The following RBFOX1 variants were observed in gnomAD, a reference collection of about 807,000 sequenced individuals.
The protein encoded by RBFOX1 is RNA binding fox-1 homolog 1.
RBFOX1 carries 8 observed loss-of-function variants against 57.7 expected under a neutral mutation model. That is an observed-to-expected ratio of 0.14 (90% CI 0.08 to 0.25). The LOEUF (loss-of-function observed/expected upper bound fraction) is 0.25, where lower values mean the gene tolerates loss of function less well. Ranked by LOEUF, RBFOX1 falls within the 10% of genes least tolerant of loss-of-function variation. The pLI is 1.00. For synonymous variants in RBFOX1, 326 were observed against 222.4 expected (o/e 1.47, Z -4.15); for missense variants, 611 against 548.5 (o/e 1.11, Z -1.14).
At chr16:6,217,063 C>G (rs981455831) in intron 1 of RBFOX1, among the ~76,000 whole-genome samples, 5 of 151,936 alleles carry the variant, frequency 3.3e-5, no homozygotes, top group Non-Finnish European at 7.4e-5. Flanking sequence ...ATATCCGCAT[C>G]TTAACACAAA....
At chr16:6,754,787 C>T (rs572202188) in intron 3 of RBFOX1, among the ~76,000 whole-genome samples, 9 of 152,028 alleles carry the variant, frequency 5.9e-5, no homozygotes, top group Admixed American at 2.0e-4. Flanking sequence ...ATGTGCCATG[C>T]TGGTGTGCTC....
intron 4 of RBFOX1, among the ~76,000 whole-genome samples, chr16:7,410,127 G>A (rs57190278): frequency 0.03 from 4,600 of 152,250 alleles, 247 homozygotes; most frequent in African/African-American, 0.1. Context: ...TTTGACAATT[G>A]TTAACCTACA....
chr16:5,468,562 A>C (rs150709807), intron 2 of RBFOX1, among the ~76,000 whole-genome samples: 14 of 152,340 alleles, frequency 9.2e-5, no homozygotes, highest in African/African-American at 3.4e-4. Context: ...TATATACCCC[A>C]AATTGCTGAG....
intron 4 of RBFOX1, among the ~76,000 whole-genome samples, chr16:7,184,286 G>A (rs746817720): frequency 3.3e-5 from 5 of 152,166 alleles, no homozygotes; most frequent in Admixed American, 1.3e-4. Context: ...ATAGGAAGCT[G>A]TGGAATGACC....
At chr16:7,196,514 C>G (rs1438791705) in intron 4 of RBFOX1, among the ~76,000 whole-genome samples, 1 of 152,214 alleles carries the variant, frequency 6.6e-6, no homozygotes, top group Non-Finnish European at 1.5e-5. Flanking sequence ...CTACAATGTG[C>G]AGGTTAGTGC....
chr16:7,547,539 G>A (rs754342355), intron 5 of RBFOX1, among the ~76,000 whole-genome samples: 45 of 152,224 alleles, frequency 3.0e-4, no homozygotes, highest in Non-Finnish European at 5.1e-4. Context: ...CTTTATTGAA[G>A]AAAAAACAAA....
At chr16:6,226,946 T>TAAA (rs573474385) in intron 1 of RBFOX1, among the ~76,000 whole-genome samples, 1,941 of 100,972 alleles carry the variant, frequency 0.019, 56 homozygotes, top group African/African-American at 0.066. Flanking sequence ...CCATCTCTAC[T>TAAA]AAAAAAAAAA....
intron 2 of RBFOX1, among the ~76,000 whole-genome samples, chr16:6,634,530 C>A (rs189330740): frequency 6.8e-6 from 1 of 147,508 alleles, no homozygotes; most frequent in African/African-American, 2.5e-5. Flanking sequence ...ATGATATATA[C>A]TTTTATATTT....
intron 2 of RBFOX1, among the ~76,000 whole-genome samples, chr16:6,384,562 A>G (rs191678833): frequency 2.6e-5 from 4 of 152,312 alleles, no homozygotes; most frequent in Admixed American, 6.5e-5. Flanking sequence ...AATTACTTCT[A>G]TACCTTATTA....
chr16:6,738,420 G>A (rs1437130554), intron 3 of RBFOX1, among the ~76,000 whole-genome samples: 1 of 152,114 alleles, frequency 6.6e-6, no homozygotes, highest in Non-Finnish European at 1.5e-5. Flanking sequence ...GAGAGTAGGA[G>A]CCCAGGAGAG....
At position 5,597,832 on chromosome 16, in the gene RBFOX1, T is replaced by A. The variant is rs17415890; in HGVS notation, c.259-1070T>A. Among the ~76,000 whole-genome samples the A allele has an allele frequency of 4.8e-3, 730 of 152,308 alleles. 5 individuals carry two copies. Among genetic ancestry groups the A allele is most frequent in the Middle Eastern group, 0.01 (3 of 294 alleles). On this transcript the variant is annotated intron_variant, in intron 2 of 2. Coordinates refer to the RBFOX1 transcript ENST00000585867. ...CGACGGTGATTCACATCCCAGTGTT[T>A]GCAGTAGGCATGCTCAGTTCAAGCT...
chr16:5,447,442 G>A (rs1314888601), intron 1 of RBFOX1, among the ~76,000 whole-genome samples: 1 of 148,148 alleles, frequency 6.8e-6, no homozygotes, highest in African/African-American at 2.6e-5. Context: ...CCATGCTGGA[G>A]TGCAGTGGCA....
chr16:6,990,987 T>C (rs941118897), intron 3 of RBFOX1, among the ~76,000 whole-genome samples: 2 of 152,036 alleles, frequency 1.3e-5, no homozygotes, highest in East Asian at 1.9e-4. Flanking sequence ...TGTCCAGATA[T>C]TCTAATTTAC....
At chr16:7,654,725 T>C (rs1243992515) in intron 12 of RBFOX1, among the ~76,000 whole-genome samples, 1 of 152,196 alleles carries the variant, frequency 6.6e-6, no homozygotes, top group Non-Finnish European at 1.5e-5. Flanking sequence ...TAGAATATTC[T>C]TGCACCTCTG....
chr16:7,093,534 C>T (rs572842574), intron 4 of RBFOX1, among the ~76,000 whole-genome samples: 1 of 152,318 alleles, frequency 6.6e-6, no homozygotes, highest in Non-Finnish European at 1.5e-5. Context: ...TATCCAGATA[C>T]TCTTCAGGCA....
At chr16:7,489,449 G>T (rs1362144644) in intron 4 of RBFOX1, among the ~76,000 whole-genome samples, 2 of 152,018 alleles carry the variant, frequency 1.3e-5, no homozygotes, top group African/African-American at 4.8e-5. Flanking sequence ...TTATGTTGTA[G>T]CTTCTTTTGC....
intron 3 of RBFOX1, among the ~76,000 whole-genome samples, chr16:6,902,862 A>G (rs570899836): frequency 6.6e-6 from 1 of 152,194 alleles, no homozygotes; most frequent in African/African-American, 2.4e-5. Context: ...TTATTTATAG[A>G]TTGTTTCATC....
At chr16:6,915,088 C>T (rs1463355000) in intron 3 of RBFOX1, among the ~76,000 whole-genome samples, 1 of 152,192 alleles carries the variant, frequency 6.6e-6, no homozygotes, top group Non-Finnish European at 1.5e-5. Context: ...GTGTGAACTG[C>T]ACACTGAGAA....
At chr16:5,309,585 G>T (rs919854482) in intron 1 of RBFOX1, among the ~76,000 whole-genome samples, 4 of 152,162 alleles carry the variant, frequency 2.6e-5, no homozygotes, top group Non-Finnish European at 4.4e-5. Context: ...GCGGTGAAGT[G>T]TGGGCTTTAA....
Sources: gnomAD v4.1 joint callset for allele counts (sites outside exome capture counted in the v4.1 genomes callset) on GRCh38, gnomAD v4.1.1 for gene constraint, MANE v1.5 for transcripts, NCBI Gene and HGNC (gene_info 2026-07-23, HGNC 2026-07-21) for gene names.